The following CNGB1 variants were observed in gnomAD, a reference collection of about 807,000 sequenced individuals.
CNGB1 encodes the protein cyclic nucleotide-gated channel beta-1.
CNGB1 carries 126 observed loss-of-function variants against 151.7 expected under a neutral mutation model. The ratio of observed to expected loss-of-function variants is 0.83; its 90% CI spans 0.72 to 0.96. CNGB1 has a LOEUF of 0.96. Ranked by LOEUF, CNGB1 falls within the 40% of genes least tolerant of loss-of-function variation. The pLI is 0.00. For missense variants in CNGB1, 1,698 were observed against 1,627.0 expected (o/e 1.04, Z -0.75); for synonymous variants, 623 against 635.1 (o/e 0.98, Z 0.29).
At position 57,884,072 on chromosome 16, in the gene CNGB1, G is replaced by A; in HGVS notation, c.*92C>T. 6.4e-7 allele frequency: 1 copy of A among 1,570,324 alleles called. No individual in the cohort carries two copies. The highest frequency in any genetic ancestry group is 8.8e-7 in the Non-Finnish European group (1 of 1,140,858). ...ACGGAAAAGCATCTTCTCTTGAGCC[G>A]TGGGGGAAGGTGGGGCGCTGGGGCG... On this transcript the variant is annotated 3_prime_UTR_variant, in exon 33 of 33. Coordinates refer to ENST00000251102, the MANE Select transcript of CNGB1 (RefSeq NM_001297.5).
intron 32 of CNGB1, among the ~76,000 whole-genome samples, chr16:57,884,869 T>C (rs11866902): frequency 0.11 from 16,434 of 151,444 alleles, 1,241 homozygotes; most frequent in African/African-American, 0.21. Context: ...ACTCCTGGAG[T>C]GGATGAGAAA....
At chr16:57,912,173 T>C (rs1960734860) in intron 24 of CNGB1, among the ~76,000 whole-genome samples, 2 of 151,906 alleles carry the variant, frequency 1.3e-5, no homozygotes, top group Non-Finnish European at 2.9e-5. Context: ...GAGTTGAAGA[T>C]GGGGCCATGT....
chr16:57,931,837 T>C lies in CNGB1; in HGVS notation c.1414A>G (p.Thr472Ala), dbSNP rs370088020. ...KQHPEVQVED[T>A]DADSCPLMAE... Reference sequence around the variant, plus strand: ...ATGAGGGGGCAGCTATCAGCATCAGTATCTTCCACCTGCACTTCTGGGTGC... The same window carrying C: ...ATGAGGGGGCAGCTATCAGCATCAGCATCTTCCACCTGCACTTCTGGGTGC... Residue 472 changes from threonine (T) to alanine (A), a missense_variant, in exon 17 of 33, where the codon ACT (threonine) becomes GCT (alanine). Physicochemically the swap from Thr to Ala is moderately conservative, Grantham distance 58. Coordinates refer to ENST00000251102, the MANE Select transcript of CNGB1 (RefSeq NM_001297.5). 4 of 1,613,994 alleles carry C rather than the reference T, an allele frequency of 2.5e-6. No homozygotes were observed. Among genetic ancestry groups the C allele is most frequent in the Non-Finnish European group, 3.4e-6 (4 of 1,180,034 alleles).
At chr16:57,961,196 C>T (rs1250005412) in intron 7 of CNGB1, among the ~76,000 whole-genome samples, 1 of 152,248 alleles carries the variant, frequency 6.6e-6, no homozygotes, top group Non-Finnish European at 1.5e-5. Context: ...CTGAATGCAG[C>T]CCTGGGGGCT....
At chr16:57,888,157 G>T in intron 31 of CNGB1, 83 bp from the exon 32 acceptor site, 1 of 1,426,358 alleles carries the variant, frequency 7.0e-7, no homozygotes. Context: ...CCTTTAAGCT[G>T]GAGCTGTGTA....
intron 12 of CNGB1, among the ~76,000 whole-genome samples, chr16:57,953,909 C>G (rs1962023647): frequency 6.6e-6 from 1 of 152,016 alleles, no homozygotes; most frequent in Non-Finnish European, 1.5e-5. Flanking sequence ...CAACACAGAA[C>G]CAAATTCCCA....
intron 25 of CNGB1, among the ~76,000 whole-genome samples, chr16:57,908,705 C>T (rs766339039): frequency 3.9e-5 from 6 of 152,208 alleles, no homozygotes; most frequent in South Asian, 2.1e-4. Context: ...CCTCATCCCT[C>T]GTCCCTCAAG....
At chr16:57,920,698 A>G (rs1242198870) in intron 18 of CNGB1, among the ~76,000 whole-genome samples, 154 bp from the exon 19 acceptor site, 1 of 152,162 alleles carries the variant, frequency 6.6e-6, no homozygotes, top group African/African-American at 2.4e-5. Flanking sequence ...GAAACCACAG[A>G]CCTACCGTAA....
At chr16:57,932,835 C>A (rs910280013) in intron 16 of CNGB1, among the ~76,000 whole-genome samples, 1 of 152,212 alleles carries the variant, frequency 6.6e-6, no homozygotes, top group African/African-American at 2.4e-5. Context: ...CTGCCTCGGC[C>A]TCCCAAAGTT....
At chr16:57,935,910 C>T (rs1228250420) in intron 16 of CNGB1, among the ~76,000 whole-genome samples, 2 of 152,100 alleles carry the variant, frequency 1.3e-5, no homozygotes, top group African/African-American at 4.8e-5. Context: ...TCTGTGCCCA[C>T]CTCAAGCCAG....
chr16:57,968,435 T>G (rs563699706), intron 1 of CNGB1, among the ~76,000 whole-genome samples: 1 of 152,098 alleles, frequency 6.6e-6, no homozygotes, highest in East Asian at 1.9e-4. Context: ...AGGTAGAGGT[T>G]GCAGTGAACC....
chr16:57,954,354 C>T (rs1435433040), intron 12 of CNGB1, among the ~76,000 whole-genome samples: 1 of 152,216 alleles, frequency 6.6e-6, no homozygotes, highest in Admixed American at 6.5e-5. Flanking sequence ...AGCAGCTGCC[C>T]AGACTGTCCT....
chr16:57,933,184 T>C (rs1961405618), intron 16 of CNGB1, among the ~76,000 whole-genome samples: 2 of 152,094 alleles, frequency 1.3e-5, no homozygotes, highest in Non-Finnish European at 2.9e-5. Context: ...TACCTTGGCC[T>C]CCCAAAGTGC....
intron 18 of CNGB1, among the ~76,000 whole-genome samples, chr16:57,921,249 T>A (rs1961027972): frequency 7.2e-6 from 1 of 137,966 alleles, no homozygotes; most frequent in East Asian, 2.2e-4. Context: ...TGAGATGAAG[T>A]TTCACTCTTG....
chr16:57,920,365 C>T, intron 19 of CNGB1, 22 bp downstream of exon 19: 1 of 1,613,684 alleles, frequency 6.2e-7, no homozygotes, highest in African/African-American at 1.3e-5. Context: ...TCCAGGTAGA[C>T]CCCCTCCAGC....
At chr16:57,915,768 G>C (rs1001729354) in intron 22 of CNGB1, among the ~76,000 whole-genome samples, 5 of 151,854 alleles carry the variant, frequency 3.3e-5, no homozygotes, top group African/African-American at 1.2e-4. Context: ...GTGTGGTGAC[G>C]CACACTTGTA....
chr16:57,970,698 A>G (rs1350237340), intron 1 of CNGB1, among the ~76,000 whole-genome samples: 2 of 152,046 alleles, frequency 1.3e-5, no homozygotes, highest in African/African-American at 2.4e-5. Context: ...GGTCCCTCCC[A>G]TCTTTCACCC....
At chr16:57,919,023 A>G in intron 20 of CNGB1, 76 bp downstream of exon 20, 5 of 1,606,764 alleles carry the variant, frequency 3.1e-6, no homozygotes, top group Admixed American at 1.7e-5. Context: ...GAATCCCCTG[A>G]CCCTCTCCCC....
intron 25 of CNGB1, among the ~76,000 whole-genome samples, chr16:57,908,969 C>T (rs1286670028): frequency 3.9e-5 from 6 of 152,296 alleles, no homozygotes; most frequent in Admixed American, 6.5e-5. Flanking sequence ...GAGCGAGTGT[C>T]GCCTTCAACA....
Sources: allele counts gnomAD v4.1 joint callset (sites outside exome capture counted in the v4.1 genomes callset), GRCh38; gene constraint gnomAD v4.1.1; transcripts MANE v1.5; gene names NCBI Gene and HGNC (gene_info 2026-07-23, HGNC 2026-07-21).